Variants in TIMP3 observed in about 807,000 individuals in gnomAD.
TIMP3 encodes the protein TIMP metallopeptidase inhibitor 3, also known as metalloproteinase inhibitor 3.
TIMP3 carries 11 observed loss-of-function variants against 30.0 expected under a neutral mutation model. The ratio of observed to expected loss-of-function variants is 0.37; its 90% confidence interval spans 0.23 to 0.61. The LOEUF (loss-of-function observed/expected upper bound fraction) is 0.61, where lower values mean the gene tolerates loss of function less well. Among genes scored for constraint, TIMP3 ranks in the 20% least tolerant of loss-of-function variants. The probability of loss-of-function intolerance (pLI) is 0.70; values close to 1 mark genes in which losing one functional copy is unlikely to be tolerated. For synonymous variants in TIMP3, 112 were observed against 111.3 expected (o/e 1.01, Z -0.04); for missense variants, 181 against 276.8 (o/e 0.65, Z 2.45).
chr22:32,819,215 C>T (rs1271579135), intron 1 of TIMP3, among the ~76,000 whole-genome samples: 1 of 152,188 alleles, frequency 6.6e-6, no homozygotes, highest in African/African-American at 2.4e-5. Context: ...CCTTGCAGGC[C>T]GGTGCTGGGT....
Position 32,860,667 on chromosome 22 carries a change from C to T in TIMP3, c.*1290C>T, listed in dbSNP as rs2048510301. The T allele has an allele frequency of 6.6e-6, 1 of 152,534 alleles. No individual in the cohort carries two copies. Among genetic ancestry groups the T allele is most frequent in the African/African-American group, 2.4e-5 (1 of 41,432 alleles). The allele number at this position is 152,534 out of a possible 1,614,324, so 9.4% of individuals were successfully genotyped here. ...TTGGGGGCCTTTCTTTAACTGCCTT[C>T]CTGGCTTAGCTCAGATGGCAGATGA... On this transcript the variant is annotated 3_prime_UTR_variant, in exon 5 of 5. Transcript: ENST00000266085.
Position 32,861,259 on chromosome 22 carries a change from A to G in TIMP3, c.*1882A>G, listed in dbSNP as rs1215358314. ...CAGGCAAGGTGCTTGGCAGAACCGC[A>G]GAGTGGGAAGAGAGTACCGGCATCG... is the stretch of plus-strand genomic sequence containing the variant. On this transcript the variant is annotated 3_prime_UTR_variant, in exon 5 of 5. Transcript: ENST00000266085. 1 of 152,128 alleles carries G rather than the reference A, an allele frequency of 6.6e-6. No homozygotes were observed. Among genetic ancestry groups the G allele is most frequent in the Non-Finnish European group, 1.5e-5 (1 of 68,022 alleles). The allele number at this position is 152,128 out of a possible 1,614,324, so 9.4% of individuals were successfully genotyped here. A position where few individuals can be genotyped will look rare whatever the true frequency, so the allele number is the denominator to read the frequency against.
rs1052704661 is a variant in TIMP3, at chr22:32,849,543, T to C, written c.204+9T>C. 12 of 1,612,258 alleles carry C rather than the reference T, an allele frequency of 7.4e-6. No individual in the cohort carries two copies. The Admixed American group carries it at 8.3e-5, about 11-fold the overall frequency. On this transcript the variant is annotated intron_variant, in intron 2 of 4. Coordinates refer to ENST00000266085, the MANE Select transcript of TIMP3 (RefSeq NM_000362.5). The stretch of plus-strand genomic sequence containing the variant: ...CCATCAAGCAGATGAAGGTAGGTAA[T>C]GTCATCACCCTGGCTCCGGGAAGGT...
intron 2 of TIMP3, among the ~76,000 whole-genome samples, chr22:32,852,855 T>G (rs2048261283): frequency 6.6e-6 from 1 of 152,188 alleles, no homozygotes; most frequent in Non-Finnish European, 1.5e-5. Context: ...CTGGCTGCTC[T>G]AAGCTGTGGG....
rs559021789 is a variant in TIMP3, at chr22:32,837,648, T to C, written c.122-11804T>C. 6.6e-5 allele frequency among the ~76,000 whole-genome samples: 10 copies of C among 152,248 alleles called. No individual in the cohort carries two copies. Among genetic ancestry groups the C allele is most frequent in the South Asian group, 2.1e-4 (1 of 4,816 alleles). ...ACCCAGGCTTGTTTCTAGGGGTTTCTTGGGGCTTCGGGGGCCTCCTGTCAA... is the reference window on the plus strand; with the variant it reads ...ACCCAGGCTTGTTTCTAGGGGTTTCCTGGGGCTTCGGGGGCCTCCTGTCAA... On this transcript the variant is annotated intron_variant, in intron 1 of 4. Coordinates refer to ENST00000266085, the MANE Select transcript of TIMP3 (RefSeq NM_000362.5). The surrounding 1 kb of genome is among the most constrained non-coding windows in gnomAD (Gnocchi z 4.1).
intron 1 of TIMP3, among the ~76,000 whole-genome samples, chr22:32,840,239 A>C (rs2047854970): frequency 6.6e-6 from 1 of 152,190 alleles, no homozygotes; most frequent in Non-Finnish European, 1.5e-5. Context: ...TGCCAAAAAA[A>C]CCTGCTTAAA....
intron 2 of TIMP3, among the ~76,000 whole-genome samples, chr22:32,856,168 T>C (rs938729822): frequency 6.6e-6 from 1 of 152,192 alleles, no homozygotes; most frequent in African/African-American, 2.4e-5. Flanking sequence ...AGAGATATCA[T>C]GAGAATGCTG....
At chr22:32,824,739 G>T (rs535118004) in intron 1 of TIMP3, among the ~76,000 whole-genome samples, 1 of 152,092 alleles carries the variant, frequency 6.6e-6, no homozygotes, top group Non-Finnish European at 1.5e-5. Flanking sequence ...CTCTGCTTTC[G>T]ATGTTGTTCT....
chr22:32,826,474 T>C (rs1476588150), intron 1 of TIMP3, among the ~76,000 whole-genome samples: 2 of 151,962 alleles, frequency 1.3e-5, no homozygotes, highest in Non-Finnish European at 2.9e-5. Context: ...AAGGTAATAA[T>C]GTAAGAAAAT....
At position 32,862,642 on chromosome 22, in the gene TIMP3, T is replaced by G. The variant is rs985306280; in HGVS notation, c.*3265T>G. On this transcript the variant is annotated 3_prime_UTR_variant, in exon 5 of 5. Coordinates refer to ENST00000266085, the MANE Select transcript of TIMP3 (RefSeq NM_000362.5). ...ATGAGAGACAAACATTATAAAAATC[T>G]GATGGCAAAAGCAAAACAAAATGGA... 2 of 152,254 alleles carry G rather than the reference T, an allele frequency of 1.3e-5. No individual in the cohort carries two copies. Among genetic ancestry groups the G allele is most frequent in the African/African-American group, 4.8e-5 (2 of 41,466 alleles). The allele number at this position is 152,254 out of a possible 1,614,324, so 9.4% of individuals were successfully genotyped here.
chr22:32,811,359 A>G (rs559757505), intron 1 of TIMP3, among the ~76,000 whole-genome samples: 139 of 152,362 alleles, frequency 9.1e-4, no homozygotes, highest in African/African-American at 3.2e-3. Flanking sequence ...GAATAGCTCA[A>G]TAAGAATAAG....
chr22:32,817,541 G>A (rs920255972), intron 1 of TIMP3, among the ~76,000 whole-genome samples: 1 of 152,144 alleles, frequency 6.6e-6, no homozygotes, highest in Non-Finnish European at 1.5e-5. Flanking sequence ...GCTCTCCTAG[G>A]GTTGCCAAAC....
At chr22:32,822,546 G>C (rs2047280297) in intron 1 of TIMP3, among the ~76,000 whole-genome samples, 1 of 152,208 alleles carries the variant, frequency 6.6e-6, no homozygotes, top group South Asian at 2.1e-4. Flanking sequence ...CTTACTTCTA[G>C]AAATTTAGTC....
chr22:32,822,663 T>G (rs536776768), intron 1 of TIMP3, among the ~76,000 whole-genome samples: 1 of 152,310 alleles, frequency 6.6e-6, no homozygotes, highest in South Asian at 2.1e-4. Context: ...GTTCATACAG[T>G]GAAGATCTGC....
intron 2 of TIMP3, among the ~76,000 whole-genome samples, chr22:32,851,941 C>T (rs1433396160): frequency 6.6e-6 from 1 of 152,172 alleles, no homozygotes; most frequent in African/African-American, 2.4e-5. Context: ...TCCATCCATC[C>T]TCTCGTGCTT....
intron 1 of TIMP3, among the ~76,000 whole-genome samples, chr22:32,802,546 G>A (rs927166013): frequency 1.3e-5 from 2 of 151,700 alleles, no homozygotes; most frequent in African/African-American, 2.4e-5. Flanking sequence ...CCATGTGCAC[G>A]GAAAGTTGCA....
At chr22:32,858,202 C>A in intron 4 of TIMP3, 64 bp downstream of exon 4, 1 of 1,600,412 alleles carries the variant, frequency 6.2e-7, no homozygotes, top group Non-Finnish European at 8.5e-7. Context: ...GAAACATCAG[C>A]TCCCAATGCA....
intron 1 of TIMP3, among the ~76,000 whole-genome samples, chr22:32,847,295 C>T (rs939857207): frequency 1.3e-5 from 2 of 152,160 alleles, no homozygotes; most frequent in African/African-American, 4.8e-5. Context: ...AGAATACTAC[C>T]GCAATGTTAG....
chr22:32,821,881 C>T (rs529492948), intron 1 of TIMP3, among the ~76,000 whole-genome samples: 81 of 152,284 alleles, frequency 5.3e-4, no homozygotes, highest in African/African-American at 1.7e-3. Context: ...TGAGGCCGAG[C>T]GCAGTGGCTC....
Sources: allele counts gnomAD v4.1 joint callset (sites outside exome capture counted in the v4.1 genomes callset), GRCh38; gene constraint gnomAD v4.1.1; non-coding constraint Gnocchi (gnomAD v3.1); transcripts MANE v1.5; gene names NCBI Gene and HGNC (gene_info 2026-07-23, HGNC 2026-07-21).